Variants in CCDC146 observed in about 807,000 individuals in gnomAD.
The protein encoded by CCDC146 is coiled-coil domain-containing protein 146.
Under a neutral mutation model 119.3 loss-of-function variants are expected in CCDC146, and 92 were observed. That is an observed-to-expected ratio of 0.77 (90% CI 0.65 to 0.92). The LOEUF is 0.92. CCDC146 is among the 40% of genes least tolerant of loss of function. CCDC146 has a pLI of 0.00. For synonymous variants in CCDC146, 372 were observed against 371.8 expected, an observed-to-expected ratio of 1.00 and a Z score of -0.01; for missense variants, 1,000 against 1,103.0, an observed-to-expected ratio of 0.91 and a Z score of 1.32.
chr7:77,257,928 C>T (rs1285888685), intron 6 of CCDC146: 1 of 152,244 alleles, frequency 6.6e-6, no homozygotes, highest in Non-Finnish European at 1.5e-5. Context: ...CTTCGGGAAA[C>T]TTATTTAACT....
chr7:77,141,731 A>G (rs567884266), intron 1 of CCDC146, among the ~76,000 whole-genome samples: 3 of 152,102 alleles, frequency 2.0e-5, no homozygotes, highest in Non-Finnish European at 2.9e-5. Context: ...TGAGAAGTCT[A>G]TGTTTGTATC....
At chr7:77,292,213 G>T (rs547085008) in intron 17 of CCDC146, among the ~76,000 whole-genome samples, 2 of 152,168 alleles carry the variant, frequency 1.3e-5, no homozygotes, top group South Asian at 4.1e-4. Context: ...AGAATTGCTT[G>T]AGCCCCGGAG....
chr7:77,231,907 T>C (rs994891490), intron 2 of CCDC146, among the ~76,000 whole-genome samples: 2 of 151,582 alleles, frequency 1.3e-5, no homozygotes, highest in Non-Finnish European at 1.5e-5. Context: ...GCAAGTCTCA[T>C]AATTTTTCAT....
intron 2 of CCDC146, among the ~76,000 whole-genome samples, chr7:77,179,161 G>A (rs552157701): frequency 6.6e-6 from 1 of 152,262 alleles, no homozygotes; most frequent in East Asian, 1.9e-4. Flanking sequence ...CAATGGTCAA[G>A]CAGTGAGATG....
At chr7:77,212,418 G>A (rs373183859) in intron 2 of CCDC146, among the ~76,000 whole-genome samples, 3 of 151,824 alleles carry the variant, frequency 2.0e-5, no homozygotes, top group Non-Finnish European at 2.9e-5. Context: ...TCAGGAGATC[G>A]AGACCATCCC....
intron 1 of CCDC146, among the ~76,000 whole-genome samples, chr7:77,125,237 TA>T (rs1584008374): frequency 6.6e-6 from 1 of 150,796 alleles, no homozygotes; most frequent in East Asian, 1.9e-4. Context: ...CAGTATTACA[TA>T]AATTAGTATA....
chr7:77,203,162 A>T (rs1584069240), intron 2 of CCDC146, among the ~76,000 whole-genome samples: 1 of 150,674 alleles, frequency 6.6e-6, no homozygotes, highest in Non-Finnish European at 1.5e-5. Flanking sequence ...TGGAGGCAGG[A>T]GGGGTAGGAA....
chr7:77,236,313 A>C (rs943913508), intron 2 of CCDC146, among the ~76,000 whole-genome samples: 2 of 152,194 alleles, frequency 1.3e-5, no homozygotes, highest in Non-Finnish European at 1.5e-5. Flanking sequence ...ATAAAATGGG[A>C]ATAAATAGTA....
At chr7:77,226,692 G>A (rs2150469810) in intron 2 of CCDC146, among the ~76,000 whole-genome samples, 1 of 152,182 alleles carries the variant, frequency 6.6e-6, no homozygotes, top group South Asian at 2.1e-4. Flanking sequence ...CTTTCATTGT[G>A]TATGCTCTTT....
chr7:77,219,335 CTTTG>C (rs1002115128), intron 2 of CCDC146, among the ~76,000 whole-genome samples: 33 of 149,872 alleles, frequency 2.2e-4, no homozygotes, highest in African/African-American at 8.0e-4. Context: ...TAAAATTATA[CTTTG>C]TTATGTATGG....
chr7:77,248,796 T>C (rs1793003051), intron 4 of CCDC146, among the ~76,000 whole-genome samples: 2 of 152,242 alleles, frequency 1.3e-5, no homozygotes, highest in African/African-American at 4.8e-5. Context: ...TTCCAAAATG[T>C]CATTCTAGCA....
intron 4 of CCDC146, among the ~76,000 whole-genome samples, chr7:77,254,260 C>T (rs928293552): frequency 1.3e-5 from 2 of 152,180 alleles, no homozygotes; most frequent in Non-Finnish European, 2.9e-5. Context: ...TGGTCCCCAA[C>T]ATTTATAATG....
At chr7:77,245,060 T>C (rs1221161069) in intron 4 of CCDC146, among the ~76,000 whole-genome samples, 1 of 152,254 alleles carries the variant, frequency 6.6e-6, no homozygotes, top group African/African-American at 2.4e-5. Flanking sequence ...TTTTACTGTG[T>C]AATTTTGTCA....
intron 1 of CCDC146, among the ~76,000 whole-genome samples, chr7:77,151,114 G>A (rs916377679): frequency 1.3e-5 from 2 of 152,184 alleles, no homozygotes. Flanking sequence ...CCAGGTCGCA[G>A]ACTGCCAACT....
At chr7:77,176,807 G>T (rs1562823402) in intron 2 of CCDC146, among the ~76,000 whole-genome samples, 1 of 151,788 alleles carries the variant, frequency 6.6e-6, no homozygotes, top group Non-Finnish European at 1.5e-5. Flanking sequence ...GTTCTCTTAA[G>T]GCTGGTACCA....
At chr7:77,203,576 C>T (rs1792033382) in intron 2 of CCDC146, among the ~76,000 whole-genome samples, 1 of 152,054 alleles carries the variant, frequency 6.6e-6, no homozygotes, top group African/African-American at 2.4e-5. Flanking sequence ...ATCAGAAAAT[C>T]GAAACCTGAA....
intron 2 of CCDC146, among the ~76,000 whole-genome samples, chr7:77,234,396 A>G (rs576694665): frequency 6.6e-6 from 1 of 152,202 alleles, no homozygotes; most frequent in Non-Finnish European, 1.5e-5. Context: ...ATATCTGTAA[A>G]ATGTAACATT....
chr7:77,259,530 T>C (rs1473684528), intron 7 of CCDC146, among the ~76,000 whole-genome samples: 1 of 152,152 alleles, frequency 6.6e-6, no homozygotes, highest in African/African-American at 2.4e-5. Flanking sequence ...ATTCTCAGTG[T>C]TTAAGGAACC....
intron 2 of CCDC146, among the ~76,000 whole-genome samples, chr7:77,215,785 A>T (rs886900145): frequency 5.9e-5 from 9 of 151,830 alleles, no homozygotes; most frequent in Admixed American, 3.3e-4. Context: ...ATGTGATTAT[A>T]AAAAAAATAG....
Sources: allele counts gnomAD v4.1 joint callset (sites outside exome capture counted in the v4.1 genomes callset), GRCh38; gene constraint gnomAD v4.1.1; transcripts MANE v1.5; gene names NCBI Gene and HGNC (gene_info 2026-07-23, HGNC 2026-07-21).